The following ITFG1 variants were observed in gnomAD, a reference collection of about 807,000 sequenced individuals.
ITFG1 encodes integrin alpha FG-GAP repeat containing 1.
A neutral mutation model predicts 81.8 loss-of-function variants in ITFG1; 34 were observed. That is an observed-to-expected ratio of 0.42 (90% CI 0.32 to 0.55). ITFG1 has a LOEUF of 0.55. Ranked by LOEUF, ITFG1 falls within the 20% of genes least tolerant of loss-of-function variation. The probability of loss-of-function intolerance (pLI) is 0.17; values close to 1 mark genes in which losing one functional copy is unlikely to be tolerated. For synonymous variants in ITFG1, 285 were observed against 270.6 expected (o/e 1.05, Z -0.52); for missense variants, 672 against 755.4 (o/e 0.89, Z 1.29).
intron 8 of ITFG1, among the ~76,000 whole-genome samples, chr16:47,347,468 G>A (rs554465701): frequency 6.6e-5 from 10 of 152,352 alleles, no homozygotes; most frequent in Admixed American, 1.3e-4. Context: ...GTCTGAGATC[G>A]AACTGCAAGG....
intron 6 of ITFG1, among the ~76,000 whole-genome samples, chr16:47,408,727 T>C (rs929567925): frequency 6.6e-6 from 1 of 152,234 alleles, no homozygotes; most frequent in Non-Finnish European, 1.5e-5. Flanking sequence ...TATGTCTATA[T>C]TGAAGATATT....
At chr16:47,182,490 A>T (rs148087683) in intron 14 of ITFG1, among the ~76,000 whole-genome samples, 11 of 152,110 alleles carry the variant, frequency 7.2e-5, no homozygotes, top group Admixed American at 3.3e-4. Context: ...TAATCCCTTG[A>T]CCCCCTTGAG....
chr16:47,216,464 G>C (rs1965626040), intron 14 of ITFG1, among the ~76,000 whole-genome samples: 2 of 152,116 alleles, frequency 1.3e-5, no homozygotes, highest in East Asian at 3.9e-4. Flanking sequence ...GCCTCCGAAA[G>C]TGCTGGGATT....
chr16:47,244,745 C>G (rs1363625580), intron 12 of ITFG1, among the ~76,000 whole-genome samples: 1 of 151,426 alleles, frequency 6.6e-6, no homozygotes, highest in Admixed American at 6.6e-5. Flanking sequence ...TTCTTGGAGA[C>G]AGGGCCTCTA....
chr16:47,322,681 C>T (rs1459727169), intron 8 of ITFG1, among the ~76,000 whole-genome samples: 2 of 152,176 alleles, frequency 1.3e-5, no homozygotes, highest in Non-Finnish European at 1.5e-5. Flanking sequence ...TACAGTGAGA[C>T]TCTGTCTCAC....
At chr16:47,395,090 G>A (rs1968578347) in intron 6 of ITFG1, among the ~76,000 whole-genome samples, 1 of 152,070 alleles carries the variant, frequency 6.6e-6, no homozygotes, top group South Asian at 2.1e-4. Context: ...GAAGTTGCAT[G>A]CTAATTTTAT....
At chr16:47,450,799 G>A (rs1317018645) in intron 5 of ITFG1, among the ~76,000 whole-genome samples, 2 of 152,132 alleles carry the variant, frequency 1.3e-5, no homozygotes, top group Non-Finnish European at 2.9e-5. Context: ...CTTGTGCTAC[G>A]AGACCAGTTC....
At chr16:47,187,594 C>T (rs2151516228) in intron 14 of ITFG1, among the ~76,000 whole-genome samples, 1 of 152,098 alleles carries the variant, frequency 6.6e-6, no homozygotes, top group East Asian at 1.9e-4. Flanking sequence ...TTCCTTACAC[C>T]TTATACAAAA....
At chr16:47,261,881 T>C (rs977304326) in intron 10 of ITFG1, among the ~76,000 whole-genome samples, 3 of 152,182 alleles carry the variant, frequency 2.0e-5, no homozygotes, top group Non-Finnish European at 4.4e-5. Flanking sequence ...CCATGTGGCC[T>C]AGGCTAGTCT....
intron 8 of ITFG1, among the ~76,000 whole-genome samples, chr16:47,362,719 T>C (rs1028109694): frequency 6.6e-6 from 1 of 152,196 alleles, no homozygotes; most frequent in Admixed American, 6.5e-5. Flanking sequence ...ATAATCTATG[T>C]TTCCACAAGA....
chr16:47,351,335 C>G (rs912577218), intron 8 of ITFG1, among the ~76,000 whole-genome samples: 31 of 152,176 alleles, frequency 2.0e-4, no homozygotes, highest in Admixed American at 1.2e-3. Flanking sequence ...CTAAAATCTC[C>G]TTAAGCTGAT....
At position 47,211,963 on chromosome 16, in the gene ITFG1, G is replaced by A. The variant is rs545335648; in HGVS notation, c.1453+6905C>T. Among the ~76,000 whole-genome samples the A allele has an allele frequency of 6.7e-4, 101 of 150,064 alleles. 1 individual carries two copies. The highest frequency in any genetic ancestry group is 2.4e-3 in the African/African-American group (96 of 40,778). On this transcript the variant is annotated intron_variant, in intron 14 of 17. Coordinates refer to ENST00000320640, the MANE Select transcript of ITFG1 (RefSeq NM_030790.5). ...TTTGGTAGAGAAGGGGTCTTACTGT[G>A]TATCCCAGGCTGGTCTCAAATTCCT...
At chr16:47,348,883 A>C (rs944859287) in intron 8 of ITFG1, among the ~76,000 whole-genome samples, 1 of 152,266 alleles carries the variant, frequency 6.6e-6, no homozygotes, top group East Asian at 1.9e-4. Flanking sequence ...TCTACAAGCC[A>C]GAAGAGAGTG....
chr16:47,427,650 GA>G, intron 6 of ITFG1, among the ~76,000 whole-genome samples: 1 of 148,444 alleles, frequency 6.7e-6, no homozygotes, highest in African/African-American at 2.6e-5. Context: ...CTGATTCTAG[GA>G]ACATAGTAAC....
intron 5 of ITFG1, among the ~76,000 whole-genome samples, chr16:47,429,119 A>G (rs1362160576): frequency 6.6e-6 from 1 of 152,180 alleles, no homozygotes; most frequent in Non-Finnish European, 1.5e-5. Context: ...CACACCAAAA[A>G]AGAAATTGTG....
intron 14 of ITFG1, among the ~76,000 whole-genome samples, chr16:47,173,570 T>C (rs1311039116): frequency 6.6e-6 from 1 of 152,190 alleles, no homozygotes; most frequent in East Asian, 1.9e-4. Context: ...ATCACGATTG[T>C]CTACCAAAAG....
intron 14 of ITFG1, among the ~76,000 whole-genome samples, chr16:47,175,070 A>T (rs1420529089): frequency 1.3e-5 from 2 of 152,332 alleles, no homozygotes; most frequent in East Asian, 3.9e-4. Context: ...TGGTATCTGA[A>T]GCAATACTAT....
At chr16:47,460,409 C>T (rs548877183) in intron 1 of ITFG1, among the ~76,000 whole-genome samples, 1 of 152,264 alleles carries the variant, frequency 6.6e-6, no homozygotes, top group African/African-American at 2.4e-5. Flanking sequence ...CAGGTTGCAC[C>T]TTTTCATGTT....
At chr16:47,354,884 C>T (rs769247826) in intron 8 of ITFG1, among the ~76,000 whole-genome samples, 64 of 151,718 alleles carry the variant, frequency 4.2e-4, no homozygotes, top group Admixed American at 4.1e-3. Flanking sequence ...TTATGAAAAA[C>T]GATAGCAAGT....
Sources: allele counts gnomAD v4.1 joint callset (sites outside exome capture counted in the v4.1 genomes callset), GRCh38; gene constraint gnomAD v4.1.1; transcripts MANE v1.5; gene names NCBI Gene and HGNC (gene_info 2026-07-23, HGNC 2026-07-21).